GTF2A2: variants seen among roughly 807,000 people sequenced by gnomAD.
GTF2A2 encodes general transcription factor IIA subunit 2, also known as transcription initiation factor IIA subunit 2.
In GTF2A2, 9 loss-of-function variants were observed where a neutral mutation model predicts 14.3. The ratio of observed to expected loss-of-function variants is 0.63; its 90% CI spans 0.38 to 1.10. The LOEUF (loss-of-function observed/expected upper bound fraction) is 1.10, where lower values mean the gene tolerates loss of function less well. GTF2A2 is among the 50% of genes least tolerant of loss of function. The pLI, the probability that GTF2A2 is intolerant of heterozygous loss-of-function variation, is 0.01. For missense variants in GTF2A2, 90 were observed against 124.6 expected (o/e 0.72, Z 1.32); for synonymous variants, 56 against 46.0 (o/e 1.22, Z -0.88).
intron 3 of GTF2A2, among the ~76,000 whole-genome samples, chr15:59,645,859 A>G (rs1325913656): frequency 6.6e-6 from 1 of 151,466 alleles, no homozygotes; most frequent in Non-Finnish European, 1.5e-5. Flanking sequence ...ACATAGTGAA[A>G]CCCCGTCTCT....
At chr15:59,642,914 C>A (rs1448839327) in intron 3 of GTF2A2, among the ~76,000 whole-genome samples, 1 of 151,478 alleles carries the variant, frequency 6.6e-6, no homozygotes, top group African/African-American at 2.4e-5. Flanking sequence ...CTACAGGTGC[C>A]TGCCACCACG....
At chr15:59,640,587 T>C (rs1240782917) in intron 4 of GTF2A2, among the ~76,000 whole-genome samples, 1 of 152,234 alleles carries the variant, frequency 6.6e-6, no homozygotes, top group African/African-American at 2.4e-5. Context: ...CATGAGTGGC[T>C]ATTGGAAAAT....
intron 1 of GTF2A2, among the ~76,000 whole-genome samples, chr15:59,653,637 T>A (rs1338786897): frequency 5.3e-5 from 8 of 152,184 alleles, no homozygotes; most frequent in African/African-American, 1.7e-4. Flanking sequence ...TCATCCAGAC[T>A]TACGGCTTTA....
intron 3 of GTF2A2, among the ~76,000 whole-genome samples, chr15:59,647,833 GTGCTGGGGT>G (rs1439419043): frequency 6.6e-6 from 1 of 152,018 alleles, no homozygotes; most frequent in Non-Finnish European, 1.5e-5. Context: ...ACCTCCCAAA[GTGCTGGGGT>G]TACAGGCATG....
Position 59,639,148 on chromosome 15 carries a change from G to C in GTF2A2, c.314C>G (p.Ser105Cys), listed in dbSNP as rs775590423. The change falls in exon 5 of 5, where the codon TCC becomes TGC. Residue 105 changes from serine to cysteine, a missense_variant. Ser to Cys is a moderately radical substitution (Grantham distance 112). Coordinates refer to ENST00000396060, the MANE Select transcript of GTF2A2 (RefSeq NM_004492.3). The part of the protein sequence containing the change: ...IVACDGKNTG[S>C]NTTE ...TTTTTCTATTCATTCTGTAGTATTGGAGCCAGTATCTAGGAAACAAAAGAG... is the reference window on the plus strand; with the variant it reads ...TTTTTCTATTCATTCTGTAGTATTGCAGCCAGTATCTAGGAAACAAAAGAG... The C allele has an allele frequency of 4.5e-5, 65 of 1,458,020 alleles. No individual in the cohort carries two copies. The Admixed American group carries it at 1.0e-3, about 23-fold the overall frequency. The allele number at this position is 1,458,020 out of a possible 1,614,324, so 90.3% of individuals were successfully genotyped here.
At chr15:59,640,748 T>C (rs1375458519) in intron 4 of GTF2A2, among the ~76,000 whole-genome samples, 1 of 152,186 alleles carries the variant, frequency 6.6e-6, no homozygotes, top group Non-Finnish European at 1.5e-5. Flanking sequence ...GAGGATGCTG[T>C]TACCTTAAAT....
intron 1 of GTF2A2, among the ~76,000 whole-genome samples, chr15:59,655,626 C>G (rs1341298014): frequency 6.6e-6 from 1 of 152,124 alleles, no homozygotes; most frequent in Non-Finnish European, 1.5e-5. Context: ...TGCTGCTTTC[C>G]GTCTACACCC....
At position 59,638,883 on chromosome 15, in the gene GTF2A2, GTTTA is replaced by G. The variant is rs1891277334; in HGVS notation, c.*245_*248del. ...GTTATTACTCAGAGTTTTAAAATGA[GTTTA>G]TTAAAGAAGGTTCTTAGGAAGGCAA... On this transcript the variant is annotated 3_prime_UTR_variant, in exon 5 of 5. Coordinates refer to ENST00000396060, the MANE Select transcript of GTF2A2 (RefSeq NM_004492.3). 5.0e-6 allele frequency: 2 copies of G among 402,188 alleles called. No homozygotes were observed. Among genetic ancestry groups the G allele is most frequent in the East Asian group, 9.9e-5 (2 of 20,118 alleles). 24.9% of individuals were successfully genotyped at this position (402,188 alleles called of 1,614,324 possible). A position where few individuals can be genotyped will look rare whatever the true frequency, so the allele number is the denominator to read the frequency against.
At chr15:59,649,552 A>C (rs1250415777) in intron 3 of GTF2A2, among the ~76,000 whole-genome samples, 2 of 152,218 alleles carry the variant, frequency 1.3e-5, no homozygotes, top group African/African-American at 4.8e-5. Flanking sequence ...ATATAAAAAA[A>C]CACAAACTAA....
At chr15:59,642,300 T>C in intron 3 of GTF2A2, 38 bp from the exon 4 acceptor site, 1 of 1,545,868 alleles carries the variant, frequency 6.5e-7, no homozygotes, top group Non-Finnish European at 8.7e-7. Context: ...GTGAAACGTT[T>C]TTTCCCCTCA....
chr15:59,641,422 A>AG (rs1387566518), intron 4 of GTF2A2, among the ~76,000 whole-genome samples: 1 of 152,124 alleles, frequency 6.6e-6, no homozygotes. Context: ...AGGGAAATGG[A>AG]GGGGGTTACT....
chr15:59,646,735 G>A (rs1020575896), intron 3 of GTF2A2, among the ~76,000 whole-genome samples: 1 of 152,054 alleles, frequency 6.6e-6, no homozygotes, highest in Admixed American at 6.6e-5. Flanking sequence ...CCTTCCAACT[G>A]TAAATGAAAA....
intron 3 of GTF2A2, among the ~76,000 whole-genome samples, chr15:59,650,055 T>C (rs1258329543): frequency 6.6e-6 from 1 of 152,214 alleles, no homozygotes; most frequent in Non-Finnish European, 1.5e-5. Flanking sequence ...GGTAAAATTA[T>C]TTCTGTTGCA....
At chr15:59,645,021 A>G (rs1430544270) in intron 3 of GTF2A2, among the ~76,000 whole-genome samples, 3 of 152,178 alleles carry the variant, frequency 2.0e-5, no homozygotes, top group African/African-American at 4.8e-5. Context: ...GCTTTACTAC[A>G]GTAATAGTAT....
intron 1 of GTF2A2, chr15:59,657,037 C>T (rs151322010): frequency 6.6e-6 from 1 of 152,342 alleles, no homozygotes; most frequent in Admixed American, 6.5e-5. Flanking sequence ...CAACAAGCTA[C>T]AAAGCACAGG....
At chr15:59,648,335 G>A (rs1445958179) in intron 3 of GTF2A2, among the ~76,000 whole-genome samples, 1 of 148,364 alleles carries the variant, frequency 6.7e-6, no homozygotes, top group Admixed American at 6.8e-5. Flanking sequence ...TTGAACCCAG[G>A]AGGCAGAGGT....
At position 59,641,181 on chromosome 15, in the gene GTF2A2, C is replaced by CTTTTTTTTT. The variant is rs374075324; in HGVS notation, c.304+946_304+954dup. Among the ~76,000 whole-genome samples, 912 of 141,156 alleles carry CTTTTTTTTT rather than the reference C, an allele frequency of 6.5e-3. 13 individuals carry two copies. The highest frequency in any genetic ancestry group is 0.023 in the African/African-American group (855 of 37,348). The allele number at this position is 141,156 out of a possible 152,430, so 92.6% of individuals were successfully genotyped here. On this transcript the variant is annotated intron_variant, in intron 4 of 4. Coordinates refer to ENST00000396060, the MANE Select transcript of GTF2A2 (RefSeq NM_004492.3). ...CCAGCCTGGGCAATACAGCAAGACT[C>CTTTTTTTTT]TTTTTTTTTTTTTTTTTTTAAGGCT... is the stretch of plus-strand genomic sequence containing the variant.
At chr15:59,645,445 G>A (rs1891571329) in intron 3 of GTF2A2, among the ~76,000 whole-genome samples, 1 of 152,054 alleles carries the variant, frequency 6.6e-6, no homozygotes, top group African/African-American at 2.4e-5. Context: ...CACACAGTAT[G>A]GTTTCAAGGG....
intron 1 of GTF2A2, chr15:59,657,035 T>C (rs1453963175): frequency 6.6e-6 from 1 of 152,246 alleles, no homozygotes; most frequent in Admixed American, 6.5e-5. Flanking sequence ...AACAACAAGC[T>C]ACAAAGCACA....
Sources: gnomAD v4.1 joint callset for allele counts (sites outside exome capture counted in the v4.1 genomes callset) on GRCh38, gnomAD v4.1.1 for gene constraint, MANE v1.5 for transcripts, NCBI Gene and HGNC (gene_info 2026-07-23, HGNC 2026-07-21) for gene names.